The following ZCCHC7 variants were observed in gnomAD, a reference collection of about 807,000 sequenced individuals.
ZCCHC7 encodes the protein zinc finger CCHC-type containing 7.
A neutral mutation model predicts 52.0 loss-of-function variants in ZCCHC7; 35 were observed. The observed-to-expected ratio is 0.67, with a 90% CI of 0.51 to 0.89. The LOEUF (loss-of-function observed/expected upper bound fraction) is 0.89. ZCCHC7 is among the 40% of genes least tolerant of loss of function. The pLI is 0.00. For missense variants in ZCCHC7, 574 were observed against 649.1 expected (o/e 0.88, Z 1.26); for synonymous variants, 217 against 221.5 (o/e 0.98, Z 0.18).
At chr9:37,186,915 AG>A in intron 2 of ZCCHC7, 1 of 326,004 alleles carries the variant, frequency 3.1e-6, no homozygotes, top group East Asian at 4.4e-5. Context: ...GGCACTTGAT[AG>A]GTGCTTTGAC....
Position 37,345,719 on chromosome 9 carries a change from C to CA in ZCCHC7, c.988-3622dup, listed in dbSNP as rs34403603. 8.6e-3 allele frequency among the ~76,000 whole-genome samples: 1,022 copies of CA among 118,970 alleles called. 6 individuals are homozygous for CA. The highest frequency in any genetic ancestry group is 0.022 in the African/African-American group (688 of 30,712). The allele number at this position is 118,970 out of a possible 152,430, so 78.0% of individuals were successfully genotyped here. ...TGAGTGACAGAGCAAGACTCCATCTCAAAAAAAAAAAAAAAACTCTTGTTT... is the reference window on the plus strand; with the variant it reads ...TGAGTGACAGAGCAAGACTCCATCTCAAAAAAAAAAAAAAAAACTCTTGTTT... On this transcript the variant is annotated intron_variant, in intron 6 of 8. Coordinates refer to ENST00000336755, the MANE Select transcript of ZCCHC7 (RefSeq NM_032226.3).
intron 7 of ZCCHC7, among the ~76,000 whole-genome samples, chr9:37,352,351 C>G (rs1220499830): frequency 6.6e-6 from 1 of 152,078 alleles, no homozygotes; most frequent in Admixed American, 6.5e-5. Flanking sequence ...CACTCACTCT[C>G]TAGCTGGGGA....
At chr9:37,303,655 CTTTTT>C (rs74182940) in intron 3 of ZCCHC7, among the ~76,000 whole-genome samples, 5 of 56,774 alleles carry the variant, frequency 8.8e-5, no homozygotes, top group African/African-American at 2.4e-4. Context: ...TTTTCTACCT[CTTTTT>C]TTTTTTTTTT....
chr9:37,249,206 G>T (rs1826205218), intron 2 of ZCCHC7, among the ~76,000 whole-genome samples: 2 of 152,054 alleles, frequency 1.3e-5, no homozygotes, highest in South Asian at 2.1e-4. Context: ...CTTGGTAGTG[G>T]GAATTACTGG....
rs548745752 is a variant in ZCCHC7, at chr9:37,349,927, A to AC, written c.1083+476dup. Among the ~76,000 whole-genome samples the AC allele has an allele frequency of 8.6e-5, 13 of 151,864 alleles. No individual in the cohort carries two copies. In the South Asian group the frequency reaches 2.7e-3, roughly 32 times the overall value. ...CTCAGCCTCCCAAGTAGCTGGGATTACAGGCGCCTGCCACCACACCCAGCT... is the reference window on the plus strand; with the variant it reads ...CTCAGCCTCCCAAGTAGCTGGGATTACCAGGCGCCTGCCACCACACCCAGCT... On this transcript the variant is annotated intron_variant, in intron 7 of 8. Transcript: ENST00000336755.
intron 6 of ZCCHC7, among the ~76,000 whole-genome samples, chr9:37,349,079 C>T (rs990321578): frequency 6.6e-6 from 1 of 152,146 alleles, no homozygotes; most frequent in Non-Finnish European, 1.5e-5. Context: ...TTCTGCTGGC[C>T]CATTATACTG....
chr9:37,160,707 G>A (rs1276256823), intron 2 of ZCCHC7, among the ~76,000 whole-genome samples: 1 of 151,918 alleles, frequency 6.6e-6, no homozygotes. Flanking sequence ...CCAATGTGTT[G>A]AAACCCCGTC....
At chr9:37,151,532 T>C (rs1478937596) in intron 2 of ZCCHC7, among the ~76,000 whole-genome samples, 3 of 152,068 alleles carry the variant, frequency 2.0e-5, no homozygotes, top group African/African-American at 4.8e-5. Flanking sequence ...TGGCTGGGTG[T>C]GGTGGCTCAC....
chr9:37,127,997 G>A (rs1842613897), intron 2 of ZCCHC7, among the ~76,000 whole-genome samples: 1 of 152,210 alleles, frequency 6.6e-6, no homozygotes, highest in East Asian at 1.9e-4. Flanking sequence ...GGCTCAGGCT[G>A]TAGTTTGCAA....
chr9:37,159,044 G>A (rs1450392940), intron 2 of ZCCHC7, among the ~76,000 whole-genome samples: 1 of 151,962 alleles, frequency 6.6e-6, no homozygotes, highest in East Asian at 1.9e-4. Context: ...TCTGTTTGGG[G>A]CACAATCAGA....
At chr9:37,331,566 T>C (rs560818805) in intron 6 of ZCCHC7, among the ~76,000 whole-genome samples, 1 of 151,742 alleles carries the variant, frequency 6.6e-6, no homozygotes, top group South Asian at 2.1e-4. Context: ...GTGGTTTTGG[T>C]TCTGAGACTA....
chr9:37,287,990 G>A (rs74715980), intron 2 of ZCCHC7, among the ~76,000 whole-genome samples: 1 of 151,972 alleles, frequency 6.6e-6, no homozygotes, highest in African/African-American at 2.4e-5. Context: ...TCAATATTCT[G>A]TCTAGAGGCT....
chr9:37,155,806 T>G (rs1280193162), intron 2 of ZCCHC7, among the ~76,000 whole-genome samples: 1 of 152,248 alleles, frequency 6.6e-6, no homozygotes, highest in Non-Finnish European at 1.5e-5. Flanking sequence ...TGGTTAAGGG[T>G]GTGAGTACAA....
chr9:37,212,418 A>T (rs1035848864), intron 2 of ZCCHC7, among the ~76,000 whole-genome samples: 9 of 152,204 alleles, frequency 5.9e-5, no homozygotes, highest in African/African-American at 2.2e-4. Flanking sequence ...GAGTGGGAAA[A>T]TAAAGACTTT....
intron 6 of ZCCHC7, among the ~76,000 whole-genome samples, chr9:37,329,275 A>T (rs1012045609): frequency 2.0e-5 from 3 of 151,732 alleles, no homozygotes; most frequent in Non-Finnish European, 4.4e-5. Flanking sequence ...GTGTTCGTTT[A>T]TATACCTATA....
At chr9:37,341,191 T>C (rs1472980874) in intron 6 of ZCCHC7, among the ~76,000 whole-genome samples, 1 of 152,210 alleles carries the variant, frequency 6.6e-6, no homozygotes, top group South Asian at 2.1e-4. Context: ...TCAGAGTATA[T>C]ACCACATTCT....
intron 2 of ZCCHC7, among the ~76,000 whole-genome samples, chr9:37,163,385 C>CAAAAAAAAAAAAAAA (rs1022187626): frequency 1.3e-5 from 1 of 77,152 alleles, no homozygotes; most frequent in Non-Finnish European, 2.6e-5. Flanking sequence ...GACTCCATCT[C>CAAAAAAAAAAAAAAA]AAAAAAAAAA....
At chr9:37,313,784 C>T (rs1033167824) in intron 5 of ZCCHC7, among the ~76,000 whole-genome samples, 3 of 152,202 alleles carry the variant, frequency 2.0e-5, no homozygotes, top group Non-Finnish European at 4.4e-5. Flanking sequence ...TCAACCTCCA[C>T]CATGATTGTA....
At chr9:37,230,594 AAAT>A (rs1825351984) in intron 2 of ZCCHC7, among the ~76,000 whole-genome samples, 1 of 152,114 alleles carries the variant, frequency 6.6e-6, no homozygotes. Flanking sequence ...TCTTTTTTTA[AAAT>A]AATAAAATAT....
Sources: allele counts gnomAD v4.1 joint callset (sites outside exome capture counted in the v4.1 genomes callset), GRCh38; gene constraint gnomAD v4.1.1; transcripts MANE v1.5; gene names NCBI Gene and HGNC (gene_info 2026-07-23, HGNC 2026-07-21).